The following KALRN variants were observed in gnomAD, a reference collection of about 807,000 sequenced individuals.
The protein encoded by KALRN is kalirin.
Under a neutral mutation model 353.7 loss-of-function variants are expected in KALRN, and 70 were observed. The observed-to-expected ratio is 0.20, with a 90% CI of 0.16 to 0.24. KALRN has a LOEUF of 0.24. KALRN is among the 10% of genes least tolerant of loss of function. The pLI, the probability that KALRN is intolerant of heterozygous loss-of-function variation, is 1.00. For missense variants in KALRN, 2,791 were observed against 3,756.7 expected, an observed-to-expected ratio of 0.74 and a Z score of 6.72; for synonymous variants, 1,391 against 1,434.8, an observed-to-expected ratio of 0.97 and a Z score of 0.69.
intron 33 of KALRN, among the ~76,000 whole-genome samples, chr3:124,514,818 C>G (rs2066357770): frequency 6.6e-6 from 1 of 152,202 alleles, no homozygotes; most frequent in Non-Finnish European, 1.5e-5. Flanking sequence ...GTTCCCTCTT[C>G]TCATAAGCTG....
chr3:124,442,470 T>G (rs753725370), intron 19 of KALRN, among the ~76,000 whole-genome samples: 26 of 152,206 alleles, frequency 1.7e-4, no homozygotes, highest in Non-Finnish European at 2.8e-4. Flanking sequence ...GGTTAATATA[T>G]TGAACAGCAC....
chr3:124,478,584 G>C (rs80231278), intron 27 of KALRN, among the ~76,000 whole-genome samples: 2,125 of 152,164 alleles, frequency 0.014, 20 homozygotes, highest in Non-Finnish European at 0.022. Flanking sequence ...AGAATACCTG[G>C]GGTTAGATTT....
intron 1 of KALRN, among the ~76,000 whole-genome samples, chr3:124,150,136 A>G (rs1371704020): frequency 6.6e-6 from 1 of 152,210 alleles, no homozygotes; most frequent in Non-Finnish European, 1.5e-5. Flanking sequence ...TCTTCATTAG[A>G]GGGTGTTAGC....
intron 1 of KALRN, among the ~76,000 whole-genome samples, chr3:124,224,161 T>G (rs895179036): frequency 2.0e-5 from 3 of 151,448 alleles, no homozygotes; most frequent in African/African-American, 7.3e-5. Context: ...ATTTTGTTTT[T>G]TTTTTTTCCT....
chr3:124,126,342 C>G (rs1437685748), intron 1 of KALRN, among the ~76,000 whole-genome samples: 2 of 152,140 alleles, frequency 1.3e-5, no homozygotes, highest in Non-Finnish European at 2.9e-5. Flanking sequence ...ATTACCTCAA[C>G]TGTTTTCTCA....
chr3:124,097,340 C>G (rs943342490), intron 1 of KALRN, among the ~76,000 whole-genome samples: 3 of 152,178 alleles, frequency 2.0e-5, no homozygotes, highest in Non-Finnish European at 4.4e-5. Flanking sequence ...ACAGAATTCC[C>G]TTAGATTTGA....
intron 33 of KALRN, among the ~76,000 whole-genome samples, chr3:124,552,142 G>A (rs571907409): frequency 1.3e-5 from 2 of 152,214 alleles, no homozygotes; most frequent in Non-Finnish European, 2.9e-5. Flanking sequence ...AAATTAACAA[G>A]ATGTCTGCTG....
chr3:124,391,399 C>G (rs1274772116), intron 11 of KALRN, among the ~76,000 whole-genome samples: 2 of 152,188 alleles, frequency 1.3e-5, no homozygotes, highest in African/African-American at 4.8e-5. Flanking sequence ...TTGCTGCTGC[C>G]AAGCTACCTC....
intron 6 of KALRN, among the ~76,000 whole-genome samples, chr3:124,313,316 T>C (rs1395653171): frequency 2.0e-5 from 3 of 152,212 alleles, no homozygotes; most frequent in Non-Finnish European, 4.4e-5. Flanking sequence ...CAGTGGTCGC[T>C]GTTAACACTG....
At chr3:124,131,262 C>T (rs899518980) in intron 1 of KALRN, among the ~76,000 whole-genome samples, 8 of 152,148 alleles carry the variant, frequency 5.3e-5, no homozygotes, top group Non-Finnish European at 1.0e-4. Context: ...TTTCCTGCTT[C>T]CAACTTGCTC....
At position 124,254,140 on chromosome 3, in the gene KALRN, T is replaced by C. The variant is rs1423428515; in HGVS notation, c.264-10358T>C. ...TAGGGGTTTTAGTACTCACACAGGA[T>C]ACCCTGGGCCTCCAAGCCAGATTAT... On this transcript the variant is annotated intron_variant, in intron 3 of 59. Transcript: ENST00000682506. 2.0e-5 allele frequency among the ~76,000 whole-genome samples: 3 copies of C among 152,166 alleles called. No homozygotes were observed. In the East Asian group the frequency reaches 5.8e-4, roughly 29 times the overall value.
chr3:124,455,054 A>C (rs1453201193), intron 21 of KALRN, 123 bp from the exon 22 acceptor site: 7 of 974,186 alleles, frequency 7.2e-6, no homozygotes, highest in Non-Finnish European at 1.1e-5. Flanking sequence ...CAAAGCTGGG[A>C]TACATACCCA....
intron 9 of KALRN, among the ~76,000 whole-genome samples, chr3:124,346,067 T>C (rs1320388697): frequency 6.6e-6 from 1 of 152,236 alleles, no homozygotes; most frequent in African/African-American, 2.4e-5. Context: ...TTGCAGGCAG[T>C]GAGTGGGCTC....
At chr3:124,321,342 G>C (rs1184807752) in intron 6 of KALRN, among the ~76,000 whole-genome samples, 2 of 152,172 alleles carry the variant, frequency 1.3e-5, no homozygotes, top group African/African-American at 4.8e-5. Flanking sequence ...ATGATAACTT[G>C]CATAAATGAT....
intron 3 of KALRN, among the ~76,000 whole-genome samples, chr3:124,261,695 T>C (rs1469923059): frequency 6.6e-6 from 1 of 152,212 alleles, no homozygotes; most frequent in Non-Finnish European, 1.5e-5. Context: ...GAATATTTGT[T>C]GTTAGGGACA....
At chr3:124,458,686 G>T (rs912038909) in intron 23 of KALRN, among the ~76,000 whole-genome samples, 1 of 152,136 alleles carries the variant, frequency 6.6e-6, no homozygotes, top group Non-Finnish European at 1.5e-5. Context: ...CTGTAACTTT[G>T]GGGGGCTGAG....
intron 1 of KALRN, among the ~76,000 whole-genome samples, chr3:124,070,810 G>A (rs1224300802): frequency 6.6e-6 from 1 of 152,194 alleles, no homozygotes; most frequent in Non-Finnish European, 1.5e-5. Flanking sequence ...TTGGTTTTAG[G>A]ATGCCTCTGG....
chr3:124,084,641 T>C (rs561308359), intron 1 of KALRN, among the ~76,000 whole-genome samples: 83 of 152,364 alleles, frequency 5.4e-4, no homozygotes, highest in Non-Finnish European at 8.8e-4. Flanking sequence ...GCTTTGTTTA[T>C]TGAGTGTTTT....
chr3:124,394,684 GTTCTTA>G, intron 11 of KALRN, among the ~76,000 whole-genome samples: 1 of 152,294 alleles, frequency 6.6e-6, no homozygotes, highest in African/African-American at 2.4e-5. Flanking sequence ...TGTGCATTTA[GTTCTTA>G]TTGACCACCA....
Sources: gnomAD v4.1 joint callset for allele counts (sites outside exome capture counted in the v4.1 genomes callset) on GRCh38, gnomAD v4.1.1 for gene constraint, MANE v1.5 for transcripts, NCBI Gene and HGNC (gene_info 2026-07-23, HGNC 2026-07-21) for gene names.